Variants in TSHZ1 observed in about 807,000 individuals in gnomAD.
TSHZ1 encodes teashirt zinc finger homeobox 1, also known as teashirt homolog 1.
A neutral mutation model predicts 67.1 loss-of-function variants in TSHZ1; 12 were observed. The observed-to-expected ratio is 0.18, with a 90% CI of 0.11 to 0.29. The LOEUF (loss-of-function observed/expected upper bound fraction) is 0.29, where lower values mean the gene tolerates loss of function less well. Ranked by LOEUF, TSHZ1 falls within the 10% of genes least tolerant of loss-of-function variation. TSHZ1 has a pLI of 1.00. For synonymous variants in TSHZ1, 632 were observed against 622.4 expected (o/e 1.02, Z -0.23); for missense variants, 1,305 against 1,413.9 (o/e 0.92, Z 1.23).
intron 1 of TSHZ1, among the ~76,000 whole-genome samples, chr18:75,257,164 A>C (rs1451280612): frequency 6.6e-6 from 1 of 152,224 alleles, no homozygotes; most frequent in Non-Finnish European, 1.5e-5. Context: ...ATTGACCTTC[A>C]ATTGGGGGAT....
At chr18:75,251,408 AT>A in intron 1 of TSHZ1, among the ~76,000 whole-genome samples, 1 of 150,108 alleles carries the variant, frequency 6.7e-6, no homozygotes, top group Middle Eastern at 3.4e-3. Flanking sequence ...GGATGGTAGT[AT>A]TTATTGGCTT....
chr18:75,265,684 AT>A (rs1209992219), intron 1 of TSHZ1, among the ~76,000 whole-genome samples: 1 of 152,220 alleles, frequency 6.6e-6, no homozygotes, highest in Non-Finnish European at 1.5e-5. Flanking sequence ...AGAATGAAAC[AT>A]CCAGTGGATA....
chr18:75,256,194 G>T (rs1354758454), intron 1 of TSHZ1, among the ~76,000 whole-genome samples: 2 of 152,176 alleles, frequency 1.3e-5, no homozygotes, highest in Non-Finnish European at 2.9e-5. Flanking sequence ...ATTTTCAACG[G>T]TAGTATTGCT....
rs1311091199 is a variant in TSHZ1, at chr18:75,211,589, G to T, written c.-288G>T. On this transcript the variant is annotated 5_prime_UTR_variant, in exon 1 of 2. Coordinates refer to ENST00000580243, the MANE Select transcript of TSHZ1 (RefSeq NM_001308210.2). Reference sequence around the variant, plus strand: ...GCCCGCTGCTGCGCCCGCGGCCCGCGCCGGGGATGACTCCGGGCTCGGCGC... The same window carrying T: ...GCCCGCTGCTGCGCCCGCGGCCCGCTCCGGGGATGACTCCGGGCTCGGCGC... 7.0e-6 allele frequency: 1 copy of T among 142,612 alleles called. No individual in the cohort carries two copies. The highest frequency in any genetic ancestry group is 2.5e-5 in the African/African-American group (1 of 39,904). The allele number at this position is 142,612 out of a possible 1,614,324, so 8.8% of individuals were successfully genotyped here.
chr18:75,276,860 T>G (rs1312646159), intron 1 of TSHZ1, among the ~76,000 whole-genome samples: 1 of 152,264 alleles, frequency 6.6e-6, no homozygotes, highest in Non-Finnish European at 1.5e-5. Context: ...TTTGTCACTT[T>G]TGAACATCCA....
At position 75,285,609 on chromosome 18, in the gene TSHZ1, A is replaced by G; in HGVS notation, c.202A>G (p.Thr68Ala). The G allele has an allele frequency of 6.2e-7, 1 of 1,612,184 alleles. No individual in the cohort carries two copies. Among genetic ancestry groups the G allele is most frequent in the Non-Finnish European group, 8.5e-7 (1 of 1,178,696 alleles). Residue 68 changes from threonine (T) to alanine (A), a missense_variant, in exon 2 of 2, where the codon ACT becomes GCT. Coordinates refer to ENST00000580243, the MANE Select transcript of TSHZ1 (RefSeq NM_001308210.2). ...SYQNSPVSSA[T>A]NQDAGYGSPF... Reference sequence around the variant, plus strand: ...CCAGAACTCCCCAGTCAGCTCTGCGACTAACCAGGACGCCGGCTACGGGTC... The same window carrying G: ...CCAGAACTCCCCAGTCAGCTCTGCGGCTAACCAGGACGCCGGCTACGGGTC...
Position 75,288,119 on chromosome 18 carries a change from C to G in TSHZ1, c.2712C>G (p.Phe904Leu), listed in dbSNP as rs200403332. 15 of 1,613,662 alleles carry G rather than the reference C, an allele frequency of 9.3e-6. No individual in the cohort carries two copies. The Admixed American group carries it at 2.5e-4, about 27-fold the overall frequency. Reference protein sequence around the residue: ...PQHLLILQAQFASSLRETTEG... With the variant: ...PQHLLILQAQLASSLRETTEG... Reference sequence around the variant, plus strand: ...ACCTTCTCATCCTGCAGGCCCAGTTCGCCTCGAGCTTGCGGGAGACCACAG... The same window carrying G: ...ACCTTCTCATCCTGCAGGCCCAGTTGGCCTCGAGCTTGCGGGAGACCACAG... Residue 904 changes from phenylalanine (F) to leucine (L), a missense_variant, in exon 2 of 2, where the codon TTC becomes TTG. Physicochemically the swap from Phe to Leu is conservative, Grantham distance 22. Around this residue, in one of 3 missense-constraint regions of TSHZ1, gnomAD observed 909 missense variants for 961.8 expected, o/e 0.95. Coordinates refer to ENST00000580243, the MANE Select transcript of TSHZ1 (RefSeq NM_001308210.2). This position sits in a 1 kb window ranked among gnomAD's most constrained non-coding sequence, Gnocchi z 4.9.
At chr18:75,246,029 C>T (rs1411984247) in intron 1 of TSHZ1, among the ~76,000 whole-genome samples, 1 of 152,174 alleles carries the variant, frequency 6.6e-6, no homozygotes, top group Admixed American at 6.5e-5. Context: ...CAGCAAACAC[C>T]ACCTCACCGC....
chr18:75,243,635 C>T (rs1198568462), intron 1 of TSHZ1, among the ~76,000 whole-genome samples: 1 of 152,112 alleles, frequency 6.6e-6, no homozygotes, highest in Non-Finnish European at 1.5e-5. Context: ...AAAGGGTCTC[C>T]TCCTTGTGGC....
At chr18:75,216,985 C>G (rs533553676) in intron 1 of TSHZ1, among the ~76,000 whole-genome samples, 1 of 152,362 alleles carries the variant, frequency 6.6e-6, no homozygotes, top group East Asian at 1.9e-4. Context: ...CCTGTGCCGC[C>G]TGATCATGTA....
At chr18:75,276,614 C>A (rs1050680942) in intron 1 of TSHZ1, among the ~76,000 whole-genome samples, 3 of 152,220 alleles carry the variant, frequency 2.0e-5, no homozygotes, top group Non-Finnish European at 4.4e-5. Context: ...GCTGTACATT[C>A]ATCACTTAGG....
intron 1 of TSHZ1, among the ~76,000 whole-genome samples, chr18:75,253,920 C>A (rs1429396136): frequency 7.9e-5 from 12 of 152,208 alleles, no homozygotes; most frequent in Non-Finnish European, 1.8e-4. Flanking sequence ...GTGAGAGAAT[C>A]TTTAAAAACA....
Position 75,289,469 on chromosome 18 carries a change from T to A in TSHZ1, c.*828T>A, listed in dbSNP as rs2122631675. 1 of 167,240 alleles carries A rather than the reference T, an allele frequency of 6.0e-6. No individual in the cohort carries two copies. Among genetic ancestry groups the A allele is most frequent in the Non-Finnish European group, 1.5e-5 (1 of 68,120 alleles). 10.4% of individuals were successfully genotyped at this position (167,240 alleles called of 1,614,324 possible). On this transcript the variant is annotated 3_prime_UTR_variant, in exon 2 of 2. Coordinates refer to ENST00000580243, the MANE Select transcript of TSHZ1 (RefSeq NM_001308210.2). Reference sequence around the variant, plus strand: ...ATGTAAGCTTTGGTACAAGCTGACCTTTCTATAGCGTGCTGCATTGGTAAA... The same window carrying A: ...ATGTAAGCTTTGGTACAAGCTGACCATTCTATAGCGTGCTGCATTGGTAAA...
At chr18:75,253,291 G>A (rs2023325714) in intron 1 of TSHZ1, among the ~76,000 whole-genome samples, 1 of 152,216 alleles carries the variant, frequency 6.6e-6, no homozygotes, top group African/African-American at 2.4e-5. Context: ...GTGGTAGCTA[G>A]ATTTCAGTAC....
At position 75,260,179 on chromosome 18, in the gene TSHZ1, AG is replaced by A. The variant is rs1284320060; in HGVS notation, c.41-25268del. ...TTTCTGTGCCCCAGGCCAGCCTCTTAGCCTGCGGCTTCTCGTGTTTCCCTGG... is the reference window on the plus strand; with the variant it reads ...TTTCTGTGCCCCAGGCCAGCCTCTTACCTGCGGCTTCTCGTGTTTCCCTGG... On this transcript the variant is annotated intron_variant, in intron 1 of 1. Transcript: ENST00000580243. 1.6e-4 allele frequency among the ~76,000 whole-genome samples: 24 copies of A among 152,382 alleles called. No homozygotes were observed. In the East Asian group the frequency reaches 3.1e-3, roughly 20 times the overall value.
At chr18:75,282,132 C>T (rs1424525227) in intron 1 of TSHZ1, among the ~76,000 whole-genome samples, 1 of 152,192 alleles carries the variant, frequency 6.6e-6, no homozygotes, top group Non-Finnish European at 1.5e-5. Context: ...CCAATCTGTT[C>T]TGACACACAT....
chr18:75,273,503 C>T lies in TSHZ1; in HGVS notation c.41-11945C>T, dbSNP rs2023581577. 1.3e-5 allele frequency among the ~76,000 whole-genome samples: 2 copies of T among 152,168 alleles called. 1 individual carries two copies. Among genetic ancestry groups the T allele is most frequent in the South Asian group, 4.1e-4 (2 of 4,832 alleles). On this transcript the variant is annotated intron_variant, in intron 1 of 1. Coordinates refer to ENST00000580243, the MANE Select transcript of TSHZ1 (RefSeq NM_001308210.2). Reference sequence around the variant, plus strand: ...TTTAAAGAAACAAAGATGTTTTAAACAATGTTGGGCTACAAATTGAGAAAC... The same window carrying T: ...TTTAAAGAAACAAAGATGTTTTAAATAATGTTGGGCTACAAATTGAGAAAC...
At chr18:75,244,654 A>C (rs1041997699) in intron 1 of TSHZ1, 1 of 152,210 alleles carries the variant, frequency 6.6e-6, no homozygotes, top group African/African-American at 2.4e-5. Context: ...TTGCTCTGCC[A>C]ATCTTGAGTC....
intron 1 of TSHZ1, among the ~76,000 whole-genome samples, chr18:75,246,403 G>GGTGTGTTTGTGTGTGTGTGTGTGTGT (rs2023222879): frequency 9.2e-6 from 1 of 108,372 alleles, no homozygotes; most frequent in African/African-American, 3.5e-5. Flanking sequence ...TTTGGTTTCT[G>GGTGTGTTTGTGTGTGTGTGTGTGTGT]GTGTGTGTGT....
Sources: gnomAD v4.1 joint callset for allele counts (sites outside exome capture counted in the v4.1 genomes callset) on GRCh38, gnomAD v4.1.1 for gene constraint, gnomAD v4.1.1 regional missense constraint, Gnocchi (gnomAD v3.1) non-coding constraint, MANE v1.5 for transcripts, NCBI Gene and HGNC (gene_info 2026-07-23, HGNC 2026-07-21) for gene names.